ARHGEF7: variants seen among roughly 807,000 people sequenced by gnomAD.
ARHGEF7 encodes Rho guanine nucleotide exchange factor 7.
A neutral mutation model predicts 109.8 loss-of-function variants in ARHGEF7; 33 were observed. That is an observed-to-expected ratio of 0.30 (90% CI 0.23 to 0.40). The LOEUF (loss-of-function observed/expected upper bound fraction) is 0.40. Among genes scored for constraint, ARHGEF7 ranks in the 10% least tolerant of loss-of-function variants. ARHGEF7 has a pLI of 1.00. For synonymous variants in ARHGEF7, 458 were observed against 424.6 expected, an observed-to-expected ratio of 1.08 and a Z score of -0.97; for missense variants, 938 against 1,098.5, an observed-to-expected ratio of 0.85 and a Z score of 2.07.
chr13:111,221,241 ATG>A (rs2083889982), intron 5 of ARHGEF7, among the ~76,000 whole-genome samples: 2 of 47,138 alleles, frequency 4.2e-5, no homozygotes, highest in Admixed American at 2.4e-4. Flanking sequence ...ATAGATATAT[ATG>A]TCTATATATA....
intron 4 of ARHGEF7, among the ~76,000 whole-genome samples, chr13:111,215,046 CTT>C (rs530500239): frequency 8.7e-4 from 132 of 152,038 alleles, no homozygotes; most frequent in African/African-American, 3.0e-3. Context: ...GGGACGGCCA[CTT>C]TTAATTTTTT....
chr13:111,146,365 G>A (rs919617420), intron 1 of ARHGEF7, among the ~76,000 whole-genome samples: 1 of 152,214 alleles, frequency 6.6e-6, no homozygotes, highest in Non-Finnish European at 1.5e-5. Context: ...TACTCCAGGT[G>A]ATTCTGATGC....
At chr13:111,232,671 G>A (rs1416814747) in intron 5 of ARHGEF7, among the ~76,000 whole-genome samples, 1 of 152,096 alleles carries the variant, frequency 6.6e-6, no homozygotes, top group Non-Finnish European at 1.5e-5. Context: ...GGCGGTGTGG[G>A]TTTTTCTTGT....
chr13:111,263,284 T>C (rs1037903469), intron 8 of ARHGEF7, among the ~76,000 whole-genome samples: 2 of 152,150 alleles, frequency 1.3e-5, no homozygotes, highest in East Asian at 1.9e-4. Context: ...CTTGGGAGAA[T>C]TGGTCTGGGA....
At chr13:111,275,407 A>G (rs1181960867) in intron 11 of ARHGEF7, 125 bp from the exon 12 acceptor site, 1 of 1,113,046 alleles carries the variant, frequency 9.0e-7, no homozygotes, top group Non-Finnish European at 1.3e-6. Flanking sequence ...CGCTCAATAA[A>G]TTATCTGTCT....
At chr13:111,271,870 G>C (rs1159940815) in intron 9 of ARHGEF7, among the ~76,000 whole-genome samples, 1 of 152,178 alleles carries the variant, frequency 6.6e-6, no homozygotes, top group Non-Finnish European at 1.5e-5. Context: ...GATAATATCT[G>C]TTAAGTGTGT....
chr13:111,164,658 A>G lies in ARHGEF7; in HGVS notation c.252+10667A>G, dbSNP rs533138013. 8.0e-4 allele frequency among the ~76,000 whole-genome samples: 122 copies of G among 152,266 alleles called. 1 individual carries two copies. The highest frequency in any genetic ancestry group is 2.8e-3 in the African/African-American group (117 of 41,544). ...GTGATCAATAACAGGATTAAACAGC[A>G]TTTTCTGAGTGCCTATTATGGCCTA... On this transcript the variant is annotated intron_variant, in intron 2 of 21. Transcript: ENST00000646102.
intron 6 of ARHGEF7, among the ~76,000 whole-genome samples, chr13:111,236,512 G>C (rs1393633358): frequency 6.6e-6 from 1 of 152,200 alleles, no homozygotes; most frequent in East Asian, 1.9e-4. Flanking sequence ...CTTGCTCAGT[G>C]ACTCACCTAG....
chr13:111,153,964 C>CGGCTGCGGGGCTTCCCTGCGG lies in ARHGEF7; in HGVS notation c.226_246dup (p.Gly76_Arg82dup). The stretch of plus-strand genomic sequence containing the variant: ...TGAGCAACATCCGCGAGTTCCTGCG[C>CGGCTGCGGGGCTTCCCTGCGG]GGCTGCGGGGCTTCCCTGCGGCTGG... On this transcript the variant is annotated inframe_insertion, in exon 2 of 22. Coordinates refer to ENST00000646102, the MANE Select transcript of ARHGEF7 (RefSeq NM_001354046.2). 1 of 1,603,936 alleles carries CGGCTGCGGGGCTTCCCTGCGG rather than the reference C, an allele frequency of 6.2e-7. No homozygotes were observed. The highest frequency in any genetic ancestry group is 8.5e-7 in the Non-Finnish European group (1 of 1,176,900).
intron 8 of ARHGEF7, among the ~76,000 whole-genome samples, chr13:111,263,111 G>A (rs1162254266): frequency 2.6e-5 from 4 of 152,212 alleles, no homozygotes; most frequent in Non-Finnish European, 4.4e-5. Context: ...GCTGGTTGTC[G>A]TGTGAATTCA....
intron 1 of ARHGEF7, among the ~76,000 whole-genome samples, chr13:111,122,000 T>G (rs918468074): frequency 2.0e-5 from 3 of 152,218 alleles, no homozygotes; most frequent in Non-Finnish European, 4.4e-5. Flanking sequence ...TCCAGAAGAC[T>G]GTAAGCCAAG....
At chr13:111,117,813 A>C (rs9788352) in intron 1 of ARHGEF7, among the ~76,000 whole-genome samples, 42,234 of 151,952 alleles carry the variant, frequency 0.28, 7,489 homozygotes, top group East Asian at 0.64. Flanking sequence ...TGTCCCATCT[A>C]GGCCTCCCAA....
In ARHGEF7 at chr13:111,239,890, G is replaced by C. The variant is rs56090602; in HGVS notation, c.760-3982G>C. Among the ~76,000 whole-genome samples the C allele has an allele frequency of 0.024, 3,605 of 152,162 alleles. 74 individuals carry two copies. Among genetic ancestry groups the C allele is most frequent in the Middle Eastern group, 0.11 (32 of 292 alleles). On this transcript the variant is annotated intron_variant, in intron 6 of 21. Coordinates refer to ENST00000646102, the MANE Select transcript of ARHGEF7 (RefSeq NM_001354046.2). The surrounding 1 kb of genome is among the most constrained non-coding windows in gnomAD (Gnocchi z 4.3). ...ATTGAGTGACTTAATTGCAAGAAAG[G>C]CTGTCTTGTGAAATAATTACCTCCT...
intron 2 of ARHGEF7, among the ~76,000 whole-genome samples, chr13:111,160,344 T>G (rs1251906634): frequency 6.6e-6 from 1 of 152,134 alleles, no homozygotes; most frequent in African/African-American, 2.4e-5. Context: ...GTTTTTTTTT[T>G]TTGTGATTCC....
chr13:111,297,214 G>A (rs2093447181), intron 19 of ARHGEF7, among the ~76,000 whole-genome samples: 1 of 152,306 alleles, frequency 6.6e-6, no homozygotes. Flanking sequence ...AAAACTGTAT[G>A]TTGAAAACTA....
At chr13:111,190,774 G>A (rs1369874143) in intron 2 of ARHGEF7, among the ~76,000 whole-genome samples, 2 of 152,164 alleles carry the variant, frequency 1.3e-5, no homozygotes, top group Non-Finnish European at 2.9e-5. Context: ...TGGTGGGGAG[G>A]CAGATATAGG....
intron 18 of ARHGEF7, among the ~76,000 whole-genome samples, chr13:111,289,795 C>CTTT (rs5806894): frequency 1.4e-4 from 21 of 151,234 alleles, no homozygotes; most frequent in Non-Finnish European, 3.0e-4. Context: ...CCAGAAGCTT[C>CTTT]TTTTTTTTTA....
chr13:111,267,706 G>A (rs781360317), intron 9 of ARHGEF7, 36 bp downstream of exon 9: 2 of 1,610,646 alleles, frequency 1.2e-6, no homozygotes, highest in African/African-American at 1.3e-5. Flanking sequence ...CAGGGAGGGT[G>A]GATGGCTCTG....
chr13:111,182,947 GC>G (rs1432676483), intron 2 of ARHGEF7, among the ~76,000 whole-genome samples: 2 of 152,184 alleles, frequency 1.3e-5, no homozygotes, highest in Non-Finnish European at 2.9e-5. Context: ...AGATGATTTT[GC>G]CCAACTGTAA....
Sources: allele counts gnomAD v4.1 joint callset (sites outside exome capture counted in the v4.1 genomes callset), GRCh38; gene constraint gnomAD v4.1.1; non-coding constraint Gnocchi (gnomAD v3.1); transcripts MANE v1.5; gene names NCBI Gene and HGNC (gene_info 2026-07-23, HGNC 2026-07-21).